MERTK: variants seen among roughly 807,000 people sequenced by gnomAD.
The protein encoded by MERTK is tyrosine-protein kinase Mer.
In MERTK, 69 loss-of-function variants were observed where a neutral mutation model predicts 99.3. The observed-to-expected ratio is 0.70, with a 90% CI of 0.57 to 0.85. The LOEUF (loss-of-function observed/expected upper bound fraction) is 0.85. Ranked by LOEUF, MERTK falls within the 40% of genes least tolerant of loss-of-function variation. MERTK has a pLI of 0.00. For missense variants in MERTK, 1,125 were observed against 1,249.4 expected (o/e 0.90, Z 1.50); for synonymous variants, 426 against 467.6 (o/e 0.91, Z 1.15).
intron 5 of MERTK, among the ~76,000 whole-genome samples, chr2:111,966,709 G>A (rs1320236963): frequency 1.3e-5 from 2 of 152,094 alleles, no homozygotes; most frequent in African/African-American, 4.8e-5. Flanking sequence ...GGTATATGTG[G>A]TCAAATTTTG....
chr2:112,024,243 T>C (rs868764045), intron 18 of MERTK, among the ~76,000 whole-genome samples: 6 of 152,226 alleles, frequency 3.9e-5, no homozygotes, highest in Non-Finnish European at 1.5e-5. Flanking sequence ...TTGTTGCAGT[T>C]TCTTTCTGAG....
chr2:111,983,853 A>G (rs868438269), intron 8 of MERTK, among the ~76,000 whole-genome samples: 36 of 152,350 alleles, frequency 2.4e-4, no homozygotes, highest in African/African-American at 6.3e-4. Context: ...TGTCACACTC[A>G]GCAAGGATGA....
At chr2:112,022,193 T>C in intron 17 of MERTK, 65 bp from the exon 18 acceptor site, 1 of 1,609,066 alleles carries the variant, frequency 6.2e-7, no homozygotes, top group Non-Finnish European at 8.5e-7. Context: ...CCTTTCCCAG[T>C]GAAAAAGTCC....
rs1676301609 is a variant in MERTK at position 111,978,502 on chromosome 2, C to A, written c.1144+3030C>A. Among the ~76,000 whole-genome samples the A allele has an allele frequency of 1.3e-5, 2 of 152,070 alleles. 1 individual carries two copies. The highest frequency in any genetic ancestry group is 4.8e-5 in the African/African-American group (2 of 41,386). ...ATAGAAACAGGGTCTCACTATTTTG[C>A]CCAGGCTGCTCTCAAACTCCTGACC... On this transcript the variant is annotated intron_variant, in intron 7 of 18. Coordinates refer to ENST00000295408, the MANE Select transcript of MERTK (RefSeq NM_006343.3).
intron 1 of MERTK, among the ~76,000 whole-genome samples, chr2:111,924,072 C>A (rs1277722991): frequency 6.6e-6 from 1 of 152,172 alleles, no homozygotes; most frequent in Non-Finnish European, 1.5e-5. Context: ...AATACCACCC[C>A]ACTAAAATTG....
intron 2 of MERTK, among the ~76,000 whole-genome samples, chr2:111,937,144 TA>T (rs763129047): frequency 7.2e-4 from 110 of 152,224 alleles, no homozygotes; most frequent in Non-Finnish European, 2.8e-4. Context: ...AAATTTTCTT[TA>T]TAAAAATGTT....
chr2:111,907,318 G>T (rs1050781712), intron 1 of MERTK, among the ~76,000 whole-genome samples: 32 of 152,304 alleles, frequency 2.1e-4, no homozygotes, highest in African/African-American at 7.5e-4. Flanking sequence ...GGAGGCTGAG[G>T]CAGAAGAATC....
At chr2:111,900,179 T>C (rs1430058732) in intron 1 of MERTK, among the ~76,000 whole-genome samples, 2 of 152,208 alleles carry the variant, frequency 1.3e-5, no homozygotes, top group Non-Finnish European at 2.9e-5. Flanking sequence ...TCAAGTAAGT[T>C]ACTTAAAAGT....
chr2:111,964,913 A>G (rs6541971), intron 4 of MERTK, among the ~76,000 whole-genome samples: 94,048 of 152,004 alleles, frequency 0.62, 29,478 homozygotes, highest in Middle Eastern at 0.69. Flanking sequence ...TGCAGTAAAA[A>G]TCTAAATGAT....
Position 111,929,375 on chromosome 2 carries a change from C to G in MERTK, c.317C>G (p.Ser106Cys). ...FKHTVGHIIL[S>C]EHKGVKFNCS... ...CACACAGTTGGACACATAATACTTT[C>G]TGAACATAAAGGTGTCAAATTTAAT... is the stretch of plus-strand genomic sequence containing the variant. The change falls in exon 2 of 19, where the codon TCT (serine) becomes TGT (cysteine). Residue 106 changes from serine to cysteine, a missense_variant. Physicochemically the swap from Ser to Cys is moderately radical, Grantham distance 112 (BLOSUM62 -1). Coordinates refer to ENST00000295408, the MANE Select transcript of MERTK (RefSeq NM_006343.3). The G allele has an allele frequency of 6.2e-7, 1 of 1,614,166 alleles. No individual in the cohort carries two copies. The highest frequency in any genetic ancestry group is 8.5e-7 in the Non-Finnish European group (1 of 1,180,034).
intron 4 of MERTK, among the ~76,000 whole-genome samples, chr2:111,962,896 G>A (rs1240237226): frequency 1.3e-5 from 2 of 152,154 alleles, no homozygotes; most frequent in Non-Finnish European, 2.9e-5. Flanking sequence ...TAGGTGGAAC[G>A]AGAGACTTGG....
At chr2:111,921,231 A>C (rs1353243449) in intron 1 of MERTK, among the ~76,000 whole-genome samples, 2 of 152,080 alleles carry the variant, frequency 1.3e-5, no homozygotes, top group African/African-American at 4.8e-5. Flanking sequence ...ACAGGATTCC[A>C]GATGCAAAAG....
chr2:112,029,356 A>G lies in MERTK; in HGVS notation c.*492A>G, dbSNP rs1677534973. The G allele has an allele frequency of 2.1e-6, 2 of 938,304 alleles. No homozygotes were observed. The highest frequency in any genetic ancestry group is 3.6e-5 in the African/African-American group (2 of 56,094). The allele number at this position is 938,304 out of a possible 1,614,324, so 58.1% of individuals were successfully genotyped here. A position where few individuals can be genotyped will look rare whatever the true frequency, so the allele number is the denominator to read the frequency against. On this transcript the variant is annotated 3_prime_UTR_variant, in exon 19 of 19. Coordinates refer to ENST00000295408, the MANE Select transcript of MERTK (RefSeq NM_006343.3). Reference sequence around the variant, plus strand: ...TTCTGATATGGCTTCCTAATAAAATATGAATAAGGAAGGATATGTTGAACT... The same window carrying G: ...TTCTGATATGGCTTCCTAATAAAATGTGAATAAGGAAGGATATGTTGAACT...
At chr2:111,935,747 C>T (rs1438165380) in intron 2 of MERTK, among the ~76,000 whole-genome samples, 1 of 150,416 alleles carries the variant, frequency 6.6e-6, no homozygotes, top group Non-Finnish European at 1.5e-5. Context: ...ACCAAACATA[C>T]AAAGAAAGAA....
At chr2:112,013,911 A>T (rs541568138) in intron 15 of MERTK, among the ~76,000 whole-genome samples, 1 of 151,952 alleles carries the variant, frequency 6.6e-6, no homozygotes, top group East Asian at 1.9e-4. Context: ...CTGGAGTGCC[A>T]TGGCTCAATC....
At chr2:111,938,588 G>A (rs917861493) in intron 2 of MERTK, among the ~76,000 whole-genome samples, 62 of 152,270 alleles carry the variant, frequency 4.1e-4, no homozygotes, top group African/African-American at 1.5e-3. Flanking sequence ...GCTGCCCTGG[G>A]GTGATGGGTT....
chr2:111,987,592 C>G (rs565044087), intron 8 of MERTK, among the ~76,000 whole-genome samples: 1 of 152,164 alleles, frequency 6.6e-6, no homozygotes, highest in South Asian at 2.1e-4. Flanking sequence ...GAATTTCTCT[C>G]CATGAATGGG....
At chr2:111,986,731 C>G (rs749103200) in intron 8 of MERTK, among the ~76,000 whole-genome samples, 2 of 152,338 alleles carry the variant, frequency 1.3e-5, no homozygotes, top group Non-Finnish European at 1.5e-5. Context: ...AGGCTGTGAC[C>G]TTTCCAGTCA....
chr2:111,939,663 T>TG (rs35265653), intron 2 of MERTK, among the ~76,000 whole-genome samples: 10,616 of 129,388 alleles, frequency 0.082, 532 homozygotes, highest in Middle Eastern at 0.11. Context: ...AATTTTTTTT[T>TG]TTTTTTTTTT....
Sources: gnomAD v4.1 joint callset for allele counts (sites outside exome capture counted in the v4.1 genomes callset) on GRCh38, gnomAD v4.1.1 for gene constraint, MANE v1.5 for transcripts, NCBI Gene and HGNC (gene_info 2026-07-23, HGNC 2026-07-21) for gene names.